Variants in ZNF385D observed in about 807,000 individuals in gnomAD.
ZNF385D encodes the protein zinc finger protein 659.
Under a neutral mutation model 35.8 loss-of-function variants are expected in ZNF385D, and 15 were observed. The ratio of observed to expected loss-of-function variants is 0.42; its 90% CI spans 0.28 to 0.64. The LOEUF is 0.64. ZNF385D is among the 30% of genes least tolerant of loss of function. The probability of loss-of-function intolerance (pLI) is 0.23; values close to 1 mark genes in which losing one functional copy is unlikely to be tolerated. For missense variants in ZNF385D, 474 were observed against 494.6 expected (o/e 0.96, Z 0.39); for synonymous variants, 212 against 186.8 (o/e 1.13, Z -1.10).
At chr3:21,644,589 T>C (rs532425277) in intron 2 of ZNF385D, among the ~76,000 whole-genome samples, 2 of 152,316 alleles carry the variant, frequency 1.3e-5, no homozygotes, top group East Asian at 3.9e-4. Context: ...TTCTCTTCAA[T>C]TTTATAGCAA....
chr3:21,641,943 A>G (rs2065618918), intron 2 of ZNF385D, among the ~76,000 whole-genome samples: 1 of 152,134 alleles, frequency 6.6e-6, no homozygotes, highest in South Asian at 2.1e-4. Flanking sequence ...GCCAATAGAA[A>G]AGGACTACCT....
chr3:22,167,098 C>T (rs779489991), intron 3 of ZNF385D, among the ~76,000 whole-genome samples: 1 of 152,198 alleles, frequency 6.6e-6, no homozygotes, highest in Non-Finnish European at 1.5e-5. Flanking sequence ...TGAAACCCCA[C>T]CTCCAAGCCA....
At chr3:21,437,716 A>AAAAAAAAAAAC (rs1701641274) in intron 4 of ZNF385D, among the ~76,000 whole-genome samples, 1 of 135,468 alleles carries the variant, frequency 7.4e-6, no homozygotes, top group Admixed American at 7.3e-5. Flanking sequence ...AAAAAAAAAA[A>AAAAAAAAAAAC]AAACCGGAAC....
At chr3:22,357,753 T>C (rs1032256420) in intron 2 of ZNF385D, among the ~76,000 whole-genome samples, 1 of 151,822 alleles carries the variant, frequency 6.6e-6, no homozygotes, top group African/African-American at 2.4e-5. Flanking sequence ...AAGGGAACTT[T>C]AGCAAATCAC....
At chr3:22,102,793 A>G (rs1393468122) in intron 3 of ZNF385D, among the ~76,000 whole-genome samples, 3 of 151,994 alleles carry the variant, frequency 2.0e-5, no homozygotes, top group Non-Finnish European at 4.4e-5. Context: ...AAGCAGTTGT[A>G]CAAACTTCTC....
intron 3 of ZNF385D, among the ~76,000 whole-genome samples, chr3:22,123,625 C>T (rs1205653069): frequency 6.6e-6 from 1 of 152,114 alleles, no homozygotes; most frequent in Non-Finnish European, 1.5e-5. Flanking sequence ...TATGGGAGGC[C>T]AAAGTAGGTG....
intron 1 of ZNF385D, among the ~76,000 whole-genome samples, chr3:21,670,962 T>G (rs2066559635): frequency 1.3e-5 from 2 of 151,994 alleles, no homozygotes; most frequent in African/African-American, 4.8e-5. Flanking sequence ...GAATACGCAG[T>G]GAAGGTTTTT....
At chr3:21,636,409 T>TAG (rs2065449042) in intron 2 of ZNF385D, among the ~76,000 whole-genome samples, 1 of 44,118 alleles carries the variant, frequency 2.3e-5, no homozygotes, top group Non-Finnish European at 4.5e-5. Flanking sequence ...TATATATATA[T>TAG]ATATAGAGTT....
chr3:21,726,143 A>G (rs900932183), intron 1 of ZNF385D, among the ~76,000 whole-genome samples: 5 of 151,992 alleles, frequency 3.3e-5, no homozygotes, highest in African/African-American at 7.3e-5. Context: ...CATGCTAAAA[A>G]CTCTCAATAA....
At chr3:21,782,325 G>C (rs1028171193) in intron 3 of ZNF385D, among the ~76,000 whole-genome samples, 1 of 152,098 alleles carries the variant, frequency 6.6e-6, no homozygotes, top group African/African-American at 2.4e-5. Flanking sequence ...GTTTAGAACT[G>C]AGGGAAATGA....
chr3:22,372,542 C>T, exon 2 of ZNF385D: 7 of 985,878 alleles, frequency 7.1e-6, no homozygotes, highest in Non-Finnish European at 8.4e-6. Flanking sequence ...CGCCCGGCGC[C>T]CTGGCCCTGG....
intron 3 of ZNF385D, among the ~76,000 whole-genome samples, chr3:22,165,673 A>C (rs1003379330): frequency 6.6e-6 from 1 of 152,148 alleles, no homozygotes; most frequent in Non-Finnish European, 1.5e-5. Context: ...AAGTTGATTA[A>C]ATCTTTACAC....
intron 3 of ZNF385D, among the ~76,000 whole-genome samples, chr3:21,850,315 C>T (rs899556507): frequency 6.6e-6 from 1 of 151,994 alleles, no homozygotes; most frequent in Admixed American, 6.6e-5. Context: ...GGATTATGAT[C>T]CCTGAGACAA....
chr3:22,283,530 G>T (rs1307146961), intron 2 of ZNF385D, among the ~76,000 whole-genome samples: 3 of 152,094 alleles, frequency 2.0e-5, no homozygotes, highest in Non-Finnish European at 2.9e-5. Flanking sequence ...TTCAGTTAAA[G>T]GCAATATGAC....
intron 2 of ZNF385D, among the ~76,000 whole-genome samples, chr3:22,191,577 G>A (rs2125225844): frequency 6.6e-6 from 1 of 151,922 alleles, no homozygotes; most frequent in East Asian, 1.9e-4. Flanking sequence ...TTAATTCTAG[G>A]TGTAGAATAT....
chr3:21,982,131 G>A (rs1225734982), intron 3 of ZNF385D, among the ~76,000 whole-genome samples: 1 of 149,408 alleles, frequency 6.7e-6, no homozygotes, highest in Non-Finnish European at 1.5e-5. Context: ...TAGTTTGATA[G>A]GAGTAGCCCT....
At chr3:21,956,882 C>T (rs1199249673) in intron 3 of ZNF385D, among the ~76,000 whole-genome samples, 1 of 151,736 alleles carries the variant, frequency 6.6e-6, no homozygotes, top group African/African-American at 2.4e-5. Context: ...TCCAATTTAA[C>T]CTTACCTTCA....
At chr3:21,940,499 A>G (rs638809) in intron 3 of ZNF385D, among the ~76,000 whole-genome samples, 39,920 of 152,052 alleles carry the variant, frequency 0.26, 5,927 homozygotes, top group Admixed American at 0.41. Context: ...CAGTTCGTTC[A>G]ACATTCAAGT....
chr3:22,213,110 T>G (rs1433798788), intron 2 of ZNF385D, among the ~76,000 whole-genome samples: 1 of 152,170 alleles, frequency 6.6e-6, no homozygotes, highest in East Asian at 1.9e-4. Context: ...AAGGACATTT[T>G]TTCAAAGAAC....
Sources: allele counts gnomAD v4.1 joint callset (sites outside exome capture counted in the v4.1 genomes callset), GRCh38; gene constraint gnomAD v4.1.1; transcripts MANE v1.5; gene names NCBI Gene and HGNC (gene_info 2026-07-23, HGNC 2026-07-21).